The following LZTFL1 variants were observed in gnomAD, a reference collection of about 807,000 sequenced individuals.
LZTFL1 encodes leucine zipper transcription factor-like protein 1.
In LZTFL1, 25 loss-of-function variants were observed where a neutral mutation model predicts 45.9. That is an observed-to-expected ratio of 0.54 (90% CI 0.40 to 0.76). LZTFL1 has a LOEUF of 0.76. LZTFL1 is among the 30% of genes least tolerant of loss of function. The pLI is 0.00. For missense variants in LZTFL1, 277 were observed against 331.1 expected, an observed-to-expected ratio of 0.84 and a Z score of 1.27; for synonymous variants, 93 against 117.4, an observed-to-expected ratio of 0.79 and a Z score of 1.35.
chr3:45,914,906 C>T (rs1702867120), intron 1 of LZTFL1, among the ~76,000 whole-genome samples: 1 of 152,198 alleles, frequency 6.6e-6, no homozygotes, highest in African/African-American at 2.4e-5. Flanking sequence ...CTGCCTCTTC[C>T]AAGACCTTGG....
chr3:45,855,334 CG>C (rs1701374072), intron 3 of LZTFL1, among the ~76,000 whole-genome samples: 2 of 152,020 alleles, frequency 1.3e-5, no homozygotes, highest in South Asian at 4.2e-4. Flanking sequence ...TCAATAGAGG[CG>C]GAAAAGGCCT....
chr3:45,894,948 C>A (rs1299279203), intron 2 of LZTFL1: 1 of 1,614,046 alleles, frequency 6.2e-7, no homozygotes, highest in Admixed American at 1.7e-5. Context: ...CACCCACAGA[C>A]TTCACAGTGA....
chr3:45,893,038 C>A (rs1477729626), intron 2 of LZTFL1, among the ~76,000 whole-genome samples: 1 of 152,204 alleles, frequency 6.6e-6, no homozygotes, highest in African/African-American at 2.4e-5. Context: ...GACGTACATA[C>A]ACCCTTGCGA....
intron 2 of LZTFL1, among the ~76,000 whole-genome samples, chr3:45,881,233 A>G (rs1046230952): frequency 2.0e-5 from 3 of 152,184 alleles, no homozygotes. Context: ...TGCAGTGGGG[A>G]ATATCTAACG....
At chr3:45,862,039 G>A (rs1009281481) in intron 2 of LZTFL1, among the ~76,000 whole-genome samples, 6 of 152,064 alleles carry the variant, frequency 3.9e-5, no homozygotes, top group Non-Finnish European at 2.9e-5. Flanking sequence ...AATCATATAC[G>A]ACCAGCTATG....
intron 2 of LZTFL1, among the ~76,000 whole-genome samples, chr3:45,888,258 T>C (rs1293815088): frequency 6.6e-6 from 1 of 152,290 alleles, no homozygotes; most frequent in African/African-American, 2.4e-5. Context: ...CCTGGAGCAA[T>C]GTTCCCTCCC....
chr3:45,915,190 G>C (rs776612455), intron 1 of LZTFL1, among the ~76,000 whole-genome samples: 3 of 152,134 alleles, frequency 2.0e-5, no homozygotes, highest in African/African-American at 7.2e-5. Context: ...CACCGACACC[G>C]TCATTTCTCA....
intron 2 of LZTFL1, among the ~76,000 whole-genome samples, chr3:45,873,312 G>GCATA (rs1701699006): frequency 6.6e-6 from 1 of 152,218 alleles, no homozygotes; most frequent in Non-Finnish European, 1.5e-5. Context: ...ATTGTACTGG[G>GCATA]AGGTTTTAAA....
intron 7 of LZTFL1, among the ~76,000 whole-genome samples, chr3:45,830,289 A>C (rs916790758): frequency 9.2e-5 from 14 of 152,226 alleles, no homozygotes; most frequent in Non-Finnish European, 1.9e-4. Flanking sequence ...ATGCACACTC[A>C]ACAGAAAGTC....
intron 1 of LZTFL1, among the ~76,000 whole-genome samples, chr3:45,839,323 CG>C (rs1333879398): frequency 1.3e-5 from 2 of 152,078 alleles, no homozygotes; most frequent in African/African-American, 4.8e-5. Flanking sequence ...CTCCTGACCT[CG>C]TGATCCACCT....
chr3:45,893,033 A>C (rs1702236102), intron 2 of LZTFL1, among the ~76,000 whole-genome samples: 1 of 152,232 alleles, frequency 6.6e-6, no homozygotes, highest in Non-Finnish European at 1.5e-5. Context: ...GTTCTGACGT[A>C]CATACACCCT....
At chr3:45,872,847 G>A (rs774451445) in intron 2 of LZTFL1, among the ~76,000 whole-genome samples, 7 of 152,184 alleles carry the variant, frequency 4.6e-5, no homozygotes, top group Non-Finnish European at 8.8e-5. Context: ...GACAAAGTTT[G>A]CAGATGGCAG....
intron 2 of LZTFL1, among the ~76,000 whole-genome samples, chr3:45,862,268 T>C (rs1481823463): frequency 6.6e-6 from 1 of 152,242 alleles, no homozygotes. Context: ...ATCCTCCATC[T>C]GTACCAGCCA....
At chr3:45,890,919 G>C (rs1702159843) in intron 2 of LZTFL1, among the ~76,000 whole-genome samples, 1 of 152,188 alleles carries the variant, frequency 6.6e-6, no homozygotes, top group African/African-American at 2.4e-5. Context: ...TAATCCGTTA[G>C]GTGGGAAAAA....
rs1286788065 is a variant in LZTFL1 at position 45,824,609 on chromosome 3, T to C, written c.*1705A>G. On this transcript the variant is annotated 3_prime_UTR_variant, in exon 10 of 10. Coordinates refer to ENST00000296135, the MANE Select transcript of LZTFL1 (RefSeq NM_020347.4). ...CAAGTACAAATTCTACCTAGCAATA[T>C]AGGTTTCTTATCAACATACCTTTTT... 2 of 388,092 alleles carry C rather than the reference T, an allele frequency of 5.2e-6. No homozygotes were observed. Among genetic ancestry groups the C allele is most frequent in the Non-Finnish European group, 9.1e-6 (2 of 219,796 alleles). 24.0% of individuals were successfully genotyped at this position (388,092 alleles called of 1,614,324 possible). A position where few individuals can be genotyped will look rare whatever the true frequency, so the allele number is the denominator to read the frequency against.
intron 7 of LZTFL1, among the ~76,000 whole-genome samples, chr3:45,830,581 A>G (rs1700786513): frequency 6.6e-6 from 1 of 152,204 alleles, no homozygotes; most frequent in Non-Finnish European, 1.5e-5. Context: ...TGAGAGGGGA[A>G]ACTTAAAAAA....
At chr3:45,897,975 CA>C (rs72284250) in intron 2 of LZTFL1, among the ~76,000 whole-genome samples, 2,058 of 105,984 alleles carry the variant, frequency 0.019, 34 homozygotes, top group African/African-American at 0.066. Flanking sequence ...GCTATTTGAC[CA>C]AAAAAAAAAA....
intron 2 of LZTFL1, among the ~76,000 whole-genome samples, chr3:45,875,773 G>A (rs978549136): frequency 2.6e-5 from 4 of 152,200 alleles, no homozygotes; most frequent in Non-Finnish European, 4.4e-5. Flanking sequence ...TGAAATATTG[G>A]ACCAATTTTA....
chr3:45,912,382 C>T (rs1490671045), intron 2 of LZTFL1, among the ~76,000 whole-genome samples: 1 of 152,202 alleles, frequency 6.6e-6, no homozygotes, highest in Non-Finnish European at 1.5e-5. Flanking sequence ...AGTGACTTTG[C>T]AGTTCCTCCC....
Sources: gnomAD v4.1 joint callset for allele counts (sites outside exome capture counted in the v4.1 genomes callset) on GRCh38, gnomAD v4.1.1 for gene constraint, MANE v1.5 for transcripts, NCBI Gene and HGNC (gene_info 2026-07-23, HGNC 2026-07-21) for gene names.